Variants in SCHIP1 observed in about 807,000 individuals in gnomAD.
SCHIP1 encodes the protein schwannomin interacting protein 1, also known as schwannomin-interacting protein 1.
In SCHIP1, 8 loss-of-function variants were observed where a neutral mutation model predicts 29.7. That is an observed-to-expected ratio of 0.27 (90% CI 0.16 to 0.49). SCHIP1 has a LOEUF of 0.49. Ranked by LOEUF, SCHIP1 falls within the 20% of genes least tolerant of loss-of-function variation. The probability of loss-of-function intolerance (pLI) is 0.99; values close to 1 mark genes in which losing one functional copy is unlikely to be tolerated. For missense variants in SCHIP1, 193 were observed against 294.6 expected (o/e 0.66, Z 2.52); for synonymous variants, 76 against 94.9 (o/e 0.80, Z 1.16).
chr3:159,436,671 C>G, the SCHIP1 span, among the ~76,000 whole-genome samples: 1 of 152,056 alleles, frequency 6.6e-6, no homozygotes. Context: ...AATGAAAGGT[C>G]AGGACCCAAG....
the SCHIP1 span, among the ~76,000 whole-genome samples, chr3:159,418,022 G>C: frequency 3.9e-5 from 6 of 152,166 alleles, no homozygotes; most frequent in Non-Finnish European, 7.3e-5. Flanking sequence ...ACCCACATTT[G>C]ACCCCAGATG....
At chr3:159,780,922 G>A in the SCHIP1 span, among the ~76,000 whole-genome samples, 12 of 152,300 alleles carry the variant, frequency 7.9e-5, no homozygotes, top group South Asian at 2.1e-4. Context: ...GCTCAGATGC[G>A]TCCACTTGAT....
chr3:159,274,120 TTGAG>T, the SCHIP1 span: 1 of 985,360 alleles, frequency 1.0e-6, no homozygotes. Flanking sequence ...GAATCTAAGT[TTGAG>T]TGTTCTTTTT....
At chr3:159,600,153 C>T in the SCHIP1 span, among the ~76,000 whole-genome samples, 2 of 152,046 alleles carry the variant, frequency 1.3e-5, no homozygotes, top group African/African-American at 4.8e-5. Context: ...CACATTTTGT[C>T]TTTGACTTTA....
the SCHIP1 span, among the ~76,000 whole-genome samples, chr3:159,479,741 G>A: frequency 6.6e-6 from 1 of 152,128 alleles, no homozygotes; most frequent in Non-Finnish European, 1.5e-5. Context: ...ACACCAAGGA[G>A]ATATGTAGGA....
the SCHIP1 span, among the ~76,000 whole-genome samples, chr3:159,369,829 C>T: frequency 1.3e-5 from 2 of 151,932 alleles, no homozygotes; most frequent in African/African-American, 2.4e-5. Context: ...GGATTGATTG[C>T]CCTCAAGAAA....
At chr3:159,423,825 G>A in the SCHIP1 span, among the ~76,000 whole-genome samples, 2 of 152,050 alleles carry the variant, frequency 1.3e-5, no homozygotes. Context: ...GGGACAGACT[G>A]ACACTTCACA....
chr3:159,747,304 G>T, the SCHIP1 span, among the ~76,000 whole-genome samples: 2 of 152,062 alleles, frequency 1.3e-5, no homozygotes, highest in Non-Finnish European at 2.9e-5. Context: ...GATGCATCTG[G>T]CTCCAGCTAC....
the SCHIP1 span, among the ~76,000 whole-genome samples, chr3:159,662,524 CA>C: frequency 6.6e-6 from 1 of 152,210 alleles, no homozygotes; most frequent in South Asian, 2.1e-4. Context: ...GAATCAACTA[CA>C]AATCAACTAC....
At chr3:159,289,149 C>T in the SCHIP1 span, among the ~76,000 whole-genome samples, 2 of 152,212 alleles carry the variant, frequency 1.3e-5, no homozygotes, top group African/African-American at 4.8e-5. Flanking sequence ...CATCTCTCAC[C>T]TTCATCACTA....
At chr3:159,815,937 C>CTATTTATTTATTTATTTATTTATTTATT in the SCHIP1 span, among the ~76,000 whole-genome samples, 35 of 147,444 alleles carry the variant, frequency 2.4e-4, no homozygotes, top group Admixed American at 4.1e-4. Flanking sequence ...GCCTCTGGTC[C>CTATTTATTTATTTATTTATTTATTTATT]TATTTATTTA....
the SCHIP1 span, among the ~76,000 whole-genome samples, chr3:159,556,921 A>C: frequency 6.6e-6 from 1 of 151,438 alleles, no homozygotes; most frequent in Non-Finnish European, 1.5e-5. Context: ...GTATAATAAT[A>C]ATAAAATAAA....
the SCHIP1 span, among the ~76,000 whole-genome samples, chr3:159,573,209 A>G: frequency 6.6e-6 from 1 of 152,326 alleles, no homozygotes; most frequent in South Asian, 2.1e-4. Context: ...CATAGCATCA[A>G]TGGTCTTTAC....
At chr3:159,522,617 TC>T in the SCHIP1 span, among the ~76,000 whole-genome samples, 2 of 152,156 alleles carry the variant, frequency 1.3e-5, no homozygotes, top group Non-Finnish European at 2.9e-5. Flanking sequence ...ACACCTGTAA[TC>T]CCAGCACTTT....
the SCHIP1 span, among the ~76,000 whole-genome samples, chr3:159,496,117 A>G: frequency 6.6e-6 from 1 of 152,260 alleles, no homozygotes; most frequent in Non-Finnish European, 1.5e-5. Flanking sequence ...GATGGATTAA[A>G]GACTTAAACT....
chr3:159,432,346 G>GAC, the SCHIP1 span, among the ~76,000 whole-genome samples: 1 of 85,694 alleles, frequency 1.2e-5, no homozygotes, highest in African/African-American at 3.5e-5. Context: ...GTGTGAGAGA[G>GAC]AGAGAGAGAG....
chr3:159,523,994 C>T, the SCHIP1 span, among the ~76,000 whole-genome samples: 5 of 152,240 alleles, frequency 3.3e-5, no homozygotes, highest in Admixed American at 1.3e-4. Context: ...CCAGCCCCCA[C>T]TCAGCATTTC....
the SCHIP1 span, among the ~76,000 whole-genome samples, chr3:159,706,160 C>T: frequency 1.3e-5 from 2 of 152,142 alleles, no homozygotes; most frequent in Non-Finnish European, 2.9e-5. Flanking sequence ...AATAGGTGTT[C>T]TCATGCCATC....
chr3:159,323,040 G>T, the SCHIP1 span, among the ~76,000 whole-genome samples: 2 of 152,084 alleles, frequency 1.3e-5, no homozygotes, highest in Admixed American at 6.6e-5. Flanking sequence ...TGATAGCGGC[G>T]GACTGGGAAG....
Sources: allele counts gnomAD v4.1 joint callset (sites outside exome capture counted in the v4.1 genomes callset), GRCh38; gene constraint gnomAD v4.1.1; transcripts MANE v1.5; gene names NCBI Gene and HGNC (gene_info 2026-07-23, HGNC 2026-07-21).